The following ASTN2 variants were observed in gnomAD, a reference collection of about 807,000 sequenced individuals.
ASTN2 encodes astrotactin 2, also known as astrotactin-2.
A neutral mutation model predicts 139.8 loss-of-function variants in ASTN2; 54 were observed. The ratio of observed to expected loss-of-function variants is 0.39; its 90% CI spans 0.31 to 0.48. ASTN2 has a LOEUF of 0.48. Ranked by LOEUF, ASTN2 falls within the 20% of genes least tolerant of loss-of-function variation. The probability of loss-of-function intolerance (pLI) is 0.95; values close to 1 mark genes in which losing one functional copy is unlikely to be tolerated. For missense variants in ASTN2, 1,565 were observed against 1,725.1 expected (o/e 0.91, Z 1.64); for synonymous variants, 756 against 719.5 (o/e 1.05, Z -0.81).
Position 116,609,702 on chromosome 9 carries a change from A to T in ASTN2, c.3355+8622T>A, listed in dbSNP as rs998598252. Among the ~76,000 whole-genome samples, 5 of 152,036 alleles carry T rather than the reference A, an allele frequency of 3.3e-5. No individual in the cohort carries two copies. The South Asian group carries it at 6.2e-4, about 19-fold the overall frequency. On this transcript the variant is annotated intron_variant, in intron 19 of 22. Transcript: ENST00000313400. Reference sequence around the variant, plus strand: ...GTATCTACATGGGTAAATATATAAAATCATTTATGCTATTACTTAAATACC... The same window carrying T: ...GTATCTACATGGGTAAATATATAAATTCATTTATGCTATTACTTAAATACC...
At chr9:117,334,919 G>C (rs1828833226) in intron 1 of ASTN2, among the ~76,000 whole-genome samples, 1 of 152,148 alleles carries the variant, frequency 6.6e-6, no homozygotes, top group Non-Finnish European at 1.5e-5. Context: ...GCCAGGCGTG[G>C]TGGCCTGTGC....
chr9:117,210,671 A>C (rs950080412), intron 3 of ASTN2, among the ~76,000 whole-genome samples: 18 of 152,284 alleles, frequency 1.2e-4, no homozygotes, highest in African/African-American at 4.1e-4. Flanking sequence ...ATTTCAAAAC[A>C]TTGAAGCAGA....
At chr9:117,067,517 A>C (rs1362222736) in intron 5 of ASTN2, among the ~76,000 whole-genome samples, 3 of 134,948 alleles carry the variant, frequency 2.2e-5, no homozygotes, top group Non-Finnish European at 4.9e-5. Flanking sequence ...TATGAACTTT[A>C]AAGTAGTTTT....
chr9:116,578,511 T>C lies in ASTN2; in HGVS notation c.3355+39813A>G, dbSNP rs188489544. On this transcript the variant is annotated intron_variant, in intron 19 of 22. Coordinates refer to ENST00000313400, the MANE Select transcript of ASTN2 (RefSeq NM_001365068.1). ...ATTATGAGAATTATAATCCTCATTT[T>C]GAAATTATGAAATCAGAATTCCAGA... Among the ~76,000 whole-genome samples, 1,098 of 151,700 alleles carry C rather than the reference T, an allele frequency of 7.2e-3. 3 individuals are homozygous for C. Among genetic ancestry groups the C allele is most frequent in the Non-Finnish European group, 0.012 (808 of 67,970 alleles).
intron 10 of ASTN2, among the ~76,000 whole-genome samples, chr9:116,920,871 T>C (rs1588412462): frequency 6.6e-6 from 1 of 152,248 alleles, no homozygotes; most frequent in East Asian, 1.9e-4. Context: ...GATTCAAGTC[T>C]AGCTGATCTT....
chr9:116,651,282 C>T (rs1564182719), intron 17 of ASTN2, among the ~76,000 whole-genome samples: 2 of 152,142 alleles, frequency 1.3e-5, no homozygotes, highest in African/African-American at 2.4e-5. Context: ...CACAAACAAA[C>T]AAACAAACAA....
At chr9:116,751,285 A>G (rs1829395512) in intron 13 of ASTN2, among the ~76,000 whole-genome samples, 1 of 152,210 alleles carries the variant, frequency 6.6e-6, no homozygotes, top group Non-Finnish European at 1.5e-5. Context: ...TAAACAGCCT[A>G]TGTATATATT....
At chr9:117,244,424 C>A (rs1030643272) in intron 2 of ASTN2, among the ~76,000 whole-genome samples, 6 of 152,104 alleles carry the variant, frequency 3.9e-5, no homozygotes, top group Non-Finnish European at 8.8e-5. Flanking sequence ...TTTTCTCTCC[C>A]TTCCTGTTGT....
intron 3 of ASTN2, among the ~76,000 whole-genome samples, chr9:117,163,230 C>T (rs531774048): frequency 2.0e-5 from 3 of 152,160 alleles, no homozygotes; most frequent in South Asian, 2.1e-4. Context: ...AGAAGGGAGG[C>T]CCACCTTTGA....
chr9:117,368,828 C>G (rs1482411044), intron 1 of ASTN2, among the ~76,000 whole-genome samples: 1 of 152,100 alleles, frequency 6.6e-6, no homozygotes, highest in Non-Finnish European at 1.5e-5. Context: ...CAAGTCCCCA[C>G]TGACAAAGGA....
chr9:116,836,250 T>C (rs1831987822), intron 11 of ASTN2, among the ~76,000 whole-genome samples: 2 of 151,600 alleles, frequency 1.3e-5, no homozygotes, highest in African/African-American at 2.4e-5. Flanking sequence ...CCGTGGTGAA[T>C]GTCCTGGCTT....
At position 116,698,015 on chromosome 9, in the gene ASTN2, C is replaced by T. The variant is rs766289627; in HGVS notation, c.2806+27756G>A. On this transcript the variant is annotated intron_variant, in intron 16 of 22. Transcript: ENST00000313400. The surrounding 1 kb of genome is among the most constrained non-coding windows in gnomAD (Gnocchi z 4.4). ...TAAAGATCATTGATACAGCTGGGCT[C>T]AGCGAGGCTGTGGGGCTGCTCATGT... is the stretch of plus-strand genomic sequence containing the variant. The T allele has an allele frequency of 3.7e-6, 6 of 1,613,986 alleles. No homozygotes were observed. The East Asian group carries it at 6.7e-5, about 18-fold the overall frequency.
chr9:116,699,007 T>C lies in ASTN2; in HGVS notation c.2806+26764A>G. ...ATTGATAGCTTTGTGCTAAGCTTCC[T>C]TGGGGCAGATCTACCCAACCTCACT... On this transcript the variant is annotated intron_variant, in intron 16 of 22. Transcript: ENST00000313400. This position sits in a 1 kb window ranked among gnomAD's most constrained non-coding sequence, Gnocchi z 4.2. 1 of 1,613,960 alleles carries C rather than the reference T, an allele frequency of 6.2e-7. No individual in the cohort carries two copies. Among genetic ancestry groups the C allele is most frequent in the Non-Finnish European group, 8.5e-7 (1 of 1,179,970 alleles).
intron 3 of ASTN2, among the ~76,000 whole-genome samples, chr9:117,189,329 T>A (rs905644826): frequency 6.6e-6 from 1 of 152,144 alleles, no homozygotes; most frequent in Non-Finnish European, 1.5e-5. Context: ...GACAAAGGCA[T>A]GGGCTGGAAC....
intron 16 of ASTN2, among the ~76,000 whole-genome samples, chr9:116,714,758 A>G (rs1828268115): frequency 6.6e-6 from 1 of 152,212 alleles, no homozygotes; most frequent in African/African-American, 2.4e-5. Context: ...TGAGCCACGT[A>G]ATCACATGAT....
chr9:117,376,010 G>C (rs998247793), intron 1 of ASTN2, among the ~76,000 whole-genome samples: 1 of 152,068 alleles, frequency 6.6e-6, no homozygotes, highest in Non-Finnish European at 1.5e-5. Flanking sequence ...TAAGGACACA[G>C]TGATTACATA....
chr9:116,935,383 G>A (rs1835038330), intron 10 of ASTN2, among the ~76,000 whole-genome samples: 1 of 152,182 alleles, frequency 6.6e-6, no homozygotes, highest in Admixed American at 6.5e-5. Context: ...TAACATAAAA[G>A]TAATACTGCC....
At chr9:117,126,773 G>A (rs541000498) in intron 4 of ASTN2, among the ~76,000 whole-genome samples, 1 of 152,322 alleles carries the variant, frequency 6.6e-6, no homozygotes, top group South Asian at 2.1e-4. Context: ...GAATGCTTGA[G>A]TGAGTGATTG....
chr9:116,828,435 C>A (rs1320388221), intron 11 of ASTN2, among the ~76,000 whole-genome samples: 1 of 151,854 alleles, frequency 6.6e-6, no homozygotes, highest in African/African-American at 2.4e-5. Flanking sequence ...AAACGTGATA[C>A]ATCACATAAA....
Sources: gnomAD v4.1 joint callset for allele counts (sites outside exome capture counted in the v4.1 genomes callset) on GRCh38, gnomAD v4.1.1 for gene constraint, Gnocchi (gnomAD v3.1) non-coding constraint, MANE v1.5 for transcripts, NCBI Gene and HGNC (gene_info 2026-07-23, HGNC 2026-07-21) for gene names.